The following TSHZ2 variants were observed in gnomAD, a reference collection of about 807,000 sequenced individuals.
The protein encoded by TSHZ2 is teashirt homolog 2.
A neutral mutation model predicts 74.4 loss-of-function variants in TSHZ2; 21 were observed. The ratio of observed to expected loss-of-function variants is 0.28; its 90% CI spans 0.20 to 0.41. TSHZ2 has a LOEUF of 0.41. Ranked by LOEUF, TSHZ2 falls within the 10% of genes least tolerant of loss-of-function variation. TSHZ2 has a pLI of 1.00. For synonymous variants in TSHZ2, 540 were observed against 515.3 expected (o/e 1.05, Z -0.65); for missense variants, 1,244 against 1,293.5 (o/e 0.96, Z 0.59).
At chr20:52,998,020 CA>C (rs1273380763) in intron 1 of TSHZ2, among the ~76,000 whole-genome samples, 18 of 152,174 alleles carry the variant, frequency 1.2e-4, no homozygotes, top group African/African-American at 1.7e-4. Flanking sequence ...AGAGGATGCT[CA>C]GGGGGGGATT....
chr20:53,303,133 A>T (rs947921269), intron 2 of TSHZ2, among the ~76,000 whole-genome samples: 26 of 152,228 alleles, frequency 1.7e-4, no homozygotes, highest in African/African-American at 6.3e-4. Flanking sequence ...CAGTACACAC[A>T]GGCAACAGTC....
At chr20:52,987,933 C>A (rs1010712988) in intron 1 of TSHZ2, among the ~76,000 whole-genome samples, 1 of 152,090 alleles carries the variant, frequency 6.6e-6, no homozygotes, top group African/African-American at 2.4e-5. Context: ...GGGCAGAAAA[C>A]CTGGGTTGTA....
chr20:53,099,302 CTAT>C (rs1568758511), intron 1 of TSHZ2, among the ~76,000 whole-genome samples: 1 of 152,150 alleles, frequency 6.6e-6, no homozygotes, highest in Non-Finnish European at 1.5e-5. Context: ...GTCATAAACC[CTAT>C]TATTATTATC....
intron 1 of TSHZ2, among the ~76,000 whole-genome samples, chr20:53,027,433 AAAAT>A: frequency 6.6e-6 from 1 of 152,314 alleles, no homozygotes; most frequent in African/African-American, 2.4e-5. Context: ...TGTTGAGAAA[AAAAT>A]CATTTGTCAA....
At chr20:53,013,767 T>C (rs1982936199) in intron 1 of TSHZ2, among the ~76,000 whole-genome samples, 1 of 152,232 alleles carries the variant, frequency 6.6e-6, no homozygotes, top group Non-Finnish European at 1.5e-5. Context: ...ATTACATTTA[T>C]TTAAGCATCA....
At chr20:53,085,661 G>T (rs1985677473) in intron 1 of TSHZ2, among the ~76,000 whole-genome samples, 1 of 152,146 alleles carries the variant, frequency 6.6e-6, no homozygotes, top group Non-Finnish European at 1.5e-5. Context: ...GGAAATGAAG[G>T]CCCCTGAAAG....
At chr20:53,192,811 A>C (rs73148619) in intron 1 of TSHZ2, among the ~76,000 whole-genome samples, 1 of 152,292 alleles carries the variant, frequency 6.6e-6, no homozygotes, top group East Asian at 1.9e-4. Flanking sequence ...GATTTTCATC[A>C]TTGGGCAATT....
intron 2 of TSHZ2, among the ~76,000 whole-genome samples, chr20:53,289,903 A>G (rs1203079779): frequency 3.3e-5 from 5 of 152,248 alleles, no homozygotes; most frequent in Admixed American, 6.5e-5. Flanking sequence ...TCAAAAGACA[A>G]TGAAATCTAA....
chr20:53,194,815 C>T (rs1988821999), intron 1 of TSHZ2, among the ~76,000 whole-genome samples: 3 of 152,236 alleles, frequency 2.0e-5, no homozygotes, highest in Non-Finnish European at 2.9e-5. Context: ...CAGCTCTATT[C>T]TGTTTTGAAA....
intron 2 of TSHZ2, among the ~76,000 whole-genome samples, chr20:53,445,334 G>A (rs556964098): frequency 7.2e-5 from 11 of 152,322 alleles, no homozygotes; most frequent in African/African-American, 2.6e-4. Context: ...TGGACAGGAA[G>A]ATGATCAAGA....
At chr20:53,203,736 T>G (rs538785895) in intron 1 of TSHZ2, among the ~76,000 whole-genome samples, 1 of 152,190 alleles carries the variant, frequency 6.6e-6, no homozygotes, top group African/African-American at 2.4e-5. Flanking sequence ...ATGCGAAATC[T>G]CCTGATTTTT....
At chr20:53,042,698 GAAGA>G (rs1280316573) in intron 1 of TSHZ2, among the ~76,000 whole-genome samples, 1 of 76,128 alleles carries the variant, frequency 1.3e-5, no homozygotes, top group African/African-American at 4.0e-5. Context: ...TGGAAGTAGA[GAAGA>G]AAAAAAAAAA....
Position 52,997,702 on chromosome 20 carries a change from G to A in TSHZ2, c.40+24369G>A, listed in dbSNP as rs1427559154. Among the ~76,000 whole-genome samples the A allele has an allele frequency of 2.0e-5, 3 of 152,156 alleles. No individual in the cohort carries two copies. The East Asian group carries it at 5.8e-4, about 29-fold the overall frequency. On this transcript the variant is annotated intron_variant, in intron 1 of 2. Transcript: ENST00000371497. ...TTCCAGGCGATGCCACCTAGAACTG[G>A]GGTGACATACTTGCTAGGAAAGAAC... is the stretch of plus-strand genomic sequence containing the variant.
At chr20:53,479,244 G>A (rs2145851820) in intron 2 of TSHZ2, among the ~76,000 whole-genome samples, 1 of 151,852 alleles carries the variant, frequency 6.6e-6, no homozygotes, top group Middle Eastern at 3.4e-3. Flanking sequence ...ACTCGAGCAT[G>A]TACAAAAATT....
At chr20:53,065,398 C>T (rs1411433415) in intron 1 of TSHZ2, among the ~76,000 whole-genome samples, 1 of 151,886 alleles carries the variant, frequency 6.6e-6, no homozygotes, top group African/African-American at 2.4e-5. Flanking sequence ...CAAAGAGCTG[C>T]AGAAGGAACA....
chr20:53,276,675 T>C (rs1423362785), intron 2 of TSHZ2, among the ~76,000 whole-genome samples: 1 of 152,144 alleles, frequency 6.6e-6, no homozygotes. Context: ...ACCTGGAGGT[T>C]TGTTAAAACC....
In TSHZ2 at chr20:52,987,462, CTCTCTCTCTT is replaced by C. The variant is rs147212320; in HGVS notation, c.40+14138_40+14147del. 2.2e-3 allele frequency among the ~76,000 whole-genome samples: 336 copies of C among 150,554 alleles called. 2 individuals are homozygous for C. Among genetic ancestry groups the C allele is most frequent in the African/African-American group, 7.7e-3 (319 of 41,312 alleles). Reference sequence around the variant, plus strand: ...TTTTTATACTCTTTCTCTCTCCTCTCTCTCTCTCTTTCTCTCTCCTCTCTCTCTCTCTTTC... The same window carrying C: ...TTTTTATACTCTTTCTCTCTCCTCTCTCTCTCTCCTCTCTCTCTCTCTTTC... On this transcript the variant is annotated intron_variant, in intron 1 of 2. Coordinates refer to ENST00000371497, the MANE Select transcript of TSHZ2 (RefSeq NM_173485.6).
At chr20:53,147,996 G>A (rs1293736309) in intron 1 of TSHZ2, among the ~76,000 whole-genome samples, 1 of 152,206 alleles carries the variant, frequency 6.6e-6, no homozygotes, top group Non-Finnish European at 1.5e-5. Context: ...TTACAGGCGT[G>A]AGCCACCATG....
intron 1 of TSHZ2, among the ~76,000 whole-genome samples, chr20:53,181,322 T>C (rs1016942595): frequency 1.3e-5 from 2 of 152,196 alleles, no homozygotes; most frequent in Admixed American, 1.3e-4. Flanking sequence ...TTCACAAAGG[T>C]ACCCCAGCTC....
Sources: gnomAD v4.1 joint callset for allele counts (sites outside exome capture counted in the v4.1 genomes callset) on GRCh38, gnomAD v4.1.1 for gene constraint, MANE v1.5 for transcripts, NCBI Gene and HGNC (gene_info 2026-07-23, HGNC 2026-07-21) for gene names.